PPP2R3C: variants seen among roughly 807,000 people sequenced by gnomAD.
PPP2R3C encodes serine/threonine-protein phosphatase 2A regulatory subunit B'' subunit gamma.
A neutral mutation model predicts 63.7 loss-of-function variants in PPP2R3C; 47 were observed. That is an observed-to-expected ratio of 0.74 (90% CI 0.58 to 0.94). The LOEUF (loss-of-function observed/expected upper bound fraction) is 0.94. Ranked by LOEUF, PPP2R3C falls within the 40% of genes least tolerant of loss-of-function variation. The pLI is 0.00. For missense variants in PPP2R3C, 421 were observed against 518.4 expected (o/e 0.81, Z 1.82); for synonymous variants, 180 against 177.4 (o/e 1.01, Z -0.12).
chr14:35,092,210 A>AG (rs913069238), intron 10 of PPP2R3C, among the ~76,000 whole-genome samples: 1 of 152,094 alleles, frequency 6.6e-6, no homozygotes, highest in African/African-American at 2.4e-5. Flanking sequence ...CTGAGACTAC[A>AG]GGTACACGCC....
intron 1 of PPP2R3C, 69 bp from the exon 2 acceptor site, chr14:35,116,806 A>ATAT: frequency 8.3e-7 from 1 of 1,204,840 alleles, no homozygotes; most frequent in Non-Finnish European, 1.1e-6. Flanking sequence ...GTCATCCTAT[A>ATAT]TATTATATTA....
intron 2 of PPP2R3C, among the ~76,000 whole-genome samples, chr14:35,115,471 T>G (rs1375653046): frequency 6.6e-6 from 1 of 151,836 alleles, no homozygotes; most frequent in Non-Finnish European, 1.5e-5. Context: ...CAACATTTTT[T>G]TTTTGAGACA....
At position 35,096,577 on chromosome 14, in the gene PPP2R3C, A is replaced by C. The variant is rs2046005311; in HGVS notation, c.819T>G (p.Pro273=). 1 of 1,613,352 alleles carries C rather than the reference A, an allele frequency of 6.2e-7. No homozygotes were observed. The highest frequency in any genetic ancestry group is 8.5e-7 in the Non-Finnish European group (1 of 1,179,510). Residue 273 remains proline (P), a synonymous_variant, in exon 9 of 13, where the codon CCT becomes CCG. Coordinates refer to ENST00000261475, the MANE Select transcript of PPP2R3C (RefSeq NM_017917.4). The part of the protein sequence containing the change: ...ESQETNWFSA[P]SALRVYGQYL... Reference sequence around the variant, plus strand: ...ACATACCATAAACTCTTAGGGCAGAAGGAGCAGAAAACCAATTTGTTTCTT... The same window carrying C: ...ACATACCATAAACTCTTAGGGCAGACGGAGCAGAAAACCAATTTGTTTCTT...
chr14:35,117,869 T>G (rs1595132563), intron 1 of PPP2R3C, among the ~76,000 whole-genome samples: 1 of 152,044 alleles, frequency 6.6e-6, no homozygotes. Flanking sequence ...TAATTTTGTA[T>G]TTTTAGTAGA....
intron 12 of PPP2R3C, 138 bp from the exon 13 acceptor site, chr14:35,085,916 A>AT: frequency 3.0e-6 from 2 of 670,404 alleles, no homozygotes; most frequent in Non-Finnish European, 4.7e-6. Context: ...GCTTATGTTA[A>AT]TTTTTTGTTC....
At chr14:35,121,127 C>A (rs928842684) in intron 1 of PPP2R3C, among the ~76,000 whole-genome samples, 3 of 152,212 alleles carry the variant, frequency 2.0e-5, no homozygotes, top group East Asian at 1.9e-4. Flanking sequence ...GTCTGTAATT[C>A]CAGCACTTTG....
intron 4 of PPP2R3C, 77 bp downstream of exon 4, chr14:35,109,742 C>T: frequency 8.4e-7 from 1 of 1,187,046 alleles, no homozygotes; most frequent in Non-Finnish European, 1.2e-6. Flanking sequence ...AGGTGTGAGC[C>T]ACTGTGCCCA....
chr14:35,085,677 G>A lies in PPP2R3C; in HGVS notation c.1275C>T (p.Ile425=), dbSNP rs369628097. Residue 425 remains isoleucine, a synonymous_variant, in exon 13 of 13, where the codon ATC becomes ATT. Transcript: ENST00000261475. ...CGTAAGTCCAGAAGCCATTCAAATC[G>A]ATTAGAATGGTGGTTACTGTGTCTC... The part of the protein sequence containing the change: ...NQGDTVTTIL[I]DLNGFWTYEN... 6.2e-6 allele frequency: 10 copies of A among 1,613,072 alleles called. No homozygotes were observed. Among genetic ancestry groups the A allele is most frequent in the Non-Finnish European group, 6.8e-6 (8 of 1,179,288 alleles).
intron 6 of PPP2R3C, 108 bp from the exon 7 acceptor site, chr14:35,099,492 TA>T: frequency 1.6e-6 from 2 of 1,272,204 alleles, no homozygotes; most frequent in Non-Finnish European, 2.1e-6. Flanking sequence ...GATAAAGAAA[TA>T]AATGCATGAC....
intron 4 of PPP2R3C, 105 bp downstream of exon 4, chr14:35,109,714 C>G: frequency 1.1e-6 from 1 of 935,834 alleles, no homozygotes; most frequent in East Asian, 2.9e-5. Flanking sequence ...CCTCAGCCTC[C>G]AAAACTGCTG....
chr14:35,108,118 A>T (rs1291495471), intron 5 of PPP2R3C, 21 bp downstream of exon 5: 1 of 1,604,680 alleles, frequency 6.2e-7, no homozygotes, highest in Admixed American at 1.7e-5. Flanking sequence ...AAGGAGTTCA[A>T]GCACAGTAAA....
rs1405199148 is a variant in PPP2R3C, at chr14:35,087,949, A to G, written c.1173+2T>C. The G allele has an allele frequency of 3.8e-6, 6 of 1,587,706 alleles. No individual in the cohort carries two copies. Among genetic ancestry groups the G allele is most frequent in the Non-Finnish European group, 5.2e-6 (6 of 1,156,168 alleles). Reference sequence around the variant, plus strand: ...AATACGTAAATTAAAGGAAAAGATAACCTTGACATCTTGAAATGAAACAGG... The same window carrying G: ...AATACGTAAATTAAAGGAAAAGATAGCCTTGACATCTTGAAATGAAACAGG... On this transcript the variant is annotated splice_donor_variant, in intron 12 of 12. Transcript: ENST00000261475. LOFTEE classifies it high-confidence loss of function.
intron 11 of PPP2R3C, 87 bp from the exon 12 acceptor site, chr14:35,088,097 T>A (rs2045668644): frequency 2.2e-6 from 2 of 907,174 alleles, no homozygotes; most frequent in African/African-American, 1.7e-5. Flanking sequence ...TACTTATACT[T>A]CCTTTCCTAT....
intron 1 of PPP2R3C, 195 bp downstream of exon 1, chr14:35,121,707 T>G: frequency 1.7e-6 from 1 of 594,984 alleles, no homozygotes; most frequent in Non-Finnish European, 3.0e-6. Context: ...TTTTCGTTCC[T>G]CTAGATTCTG....
intron 1 of PPP2R3C, among the ~76,000 whole-genome samples, chr14:35,120,678 G>A (rs565385246): frequency 5.3e-5 from 8 of 152,202 alleles, no homozygotes; most frequent in Non-Finnish European, 8.8e-5. Flanking sequence ...TGGGTGCGGC[G>A]GCTCACGTCT....
At position 35,087,555 on chromosome 14, in the gene PPP2R3C, A is replaced by G. The variant is rs540140742; in HGVS notation, c.1173+396T>C. 30 of 180,378 alleles carry G rather than the reference A, an allele frequency of 1.7e-4. No individual in the cohort carries two copies. In the East Asian group the frequency reaches 4.7e-3, roughly 28 times the overall value. The allele number at this position is 180,378 out of a possible 1,614,324, so 11.2% of individuals were successfully genotyped here. ...GCCGGGATTACATGCATGCGCCACC[A>G]TGCCCAGCTAATTTTTGTATTTTTA... is the stretch of plus-strand genomic sequence containing the variant. On this transcript the variant is annotated intron_variant, in intron 12 of 12. Coordinates refer to ENST00000261475, the MANE Select transcript of PPP2R3C (RefSeq NM_017917.4).
chr14:35,113,350 C>T (rs1248284982), intron 2 of PPP2R3C, among the ~76,000 whole-genome samples: 1 of 152,044 alleles, frequency 6.6e-6, no homozygotes, highest in African/African-American at 2.4e-5. Flanking sequence ...TCCATAGCTG[C>T]AGACAGGAGA....
intron 6 of PPP2R3C, among the ~76,000 whole-genome samples, chr14:35,106,122 G>C (rs1050040827): frequency 3.3e-5 from 5 of 152,160 alleles, no homozygotes; most frequent in African/African-American, 9.7e-5. Context: ...TGGGATTACA[G>C]GCGTGAGCCA....
chr14:35,107,408 A>C (rs778170453), intron 5 of PPP2R3C, 34 bp from the exon 6 acceptor site: 1 of 1,500,356 alleles, frequency 6.7e-7, no homozygotes, highest in Non-Finnish European at 9.3e-7. Context: ...AGTAATTCTT[A>C]AGATCTATCC....
Sources: gnomAD v4.1 joint callset for allele counts (sites outside exome capture counted in the v4.1 genomes callset) on GRCh38, gnomAD v4.1.1 for gene constraint, MANE v1.5 for transcripts, NCBI Gene and HGNC (gene_info 2026-07-23, HGNC 2026-07-21) for gene names.